ACTR3B: variants seen among roughly 807,000 people sequenced by gnomAD.
ACTR3B encodes actin-related protein 3B.
In ACTR3B, 8 loss-of-function variants were observed where a neutral mutation model predicts 59.0. The ratio of observed to expected loss-of-function variants is 0.14; its 90% confidence interval spans 0.08 to 0.24. The LOEUF (loss-of-function observed/expected upper bound fraction) is 0.24, where lower values mean the gene tolerates loss of function less well. Ranked by LOEUF, ACTR3B falls within the 10% of genes least tolerant of loss-of-function variation. The pLI is 1.00. For synonymous variants in ACTR3B, 148 were observed against 197.9 expected (o/e 0.75, Z 2.12); for missense variants, 245 against 552.3 (o/e 0.44, Z 5.58).
chr7:152,810,321 G>T (rs1025219531), intron 4 of ACTR3B, among the ~76,000 whole-genome samples: 19 of 151,690 alleles, frequency 1.3e-4, no homozygotes, highest in Non-Finnish European at 2.2e-4. Flanking sequence ...TGGCCAGGCT[G>T]GTCTTGAACT....
At chr7:152,851,965 A>T (rs983579331) in intron 9 of ACTR3B, among the ~76,000 whole-genome samples, 161 bp from the exon 10 acceptor site, 1 of 151,978 alleles carries the variant, frequency 6.6e-6, no homozygotes, top group African/African-American at 2.4e-5. Flanking sequence ...AAAAATCTAC[A>T]CTTTTCCAAT....
chr7:152,854,726 C>G lies in ACTR3B; in HGVS notation c.*173C>G, dbSNP rs1400286651. 24 of 604,232 alleles carry G rather than the reference C, an allele frequency of 4.0e-5. No individual in the cohort carries two copies. The highest frequency in any genetic ancestry group is 5.8e-5 in the Non-Finnish European group (20 of 346,640). 37.4% of individuals were successfully genotyped at this position (604,232 alleles called of 1,614,324 possible). The stretch of plus-strand genomic sequence containing the variant: ...GGCCCTTCAGTAAAAGCCATTTATC[C>G]GTGTGCCGACCGCTGTCTGCCAGCC... On this transcript the variant is annotated 3_prime_UTR_variant, in exon 12 of 12. Coordinates refer to ENST00000256001, the MANE Select transcript of ACTR3B (RefSeq NM_020445.6). The surrounding 1 kb of genome is among the most constrained non-coding windows in gnomAD (Gnocchi z 4.9).
intron 4 of ACTR3B, chr7:152,811,416 A>G (rs1795226450): frequency 6.6e-6 from 1 of 151,774 alleles, no homozygotes; most frequent in South Asian, 2.1e-4. Context: ...AGTAAAGTGG[A>G]AGGCTGGGAT....
chr7:152,837,712 A>G (rs1326597440), intron 9 of ACTR3B, among the ~76,000 whole-genome samples: 47 of 152,210 alleles, frequency 3.1e-4, no homozygotes, highest in Non-Finnish European at 1.0e-4. Flanking sequence ...CTCAGAGAAA[A>G]TTGGATTGTG....
chr7:152,820,475 G>C, intron 7 of ACTR3B, 33 bp downstream of exon 7: 7 of 1,564,710 alleles, frequency 4.5e-6, no homozygotes, highest in Non-Finnish European at 5.2e-6. Flanking sequence ...CCGGTTTGGG[G>C]GTGAGAGAGA....
intron 10 of ACTR3B, among the ~76,000 whole-genome samples, chr7:152,853,043 G>A (rs936329386): frequency 2.6e-5 from 4 of 151,908 alleles, no homozygotes; most frequent in Non-Finnish European, 5.9e-5. Context: ...CATGCGCCTC[G>A]GCCTCCCAAA....
chr7:152,793,020 GA>G (rs1037861314), intron 2 of ACTR3B, among the ~76,000 whole-genome samples: 1 of 139,656 alleles, frequency 7.2e-6, no homozygotes, highest in African/African-American at 2.7e-5. Context: ...CTTAGAAGCT[GA>G]ATTTTTTTTT....
At position 152,854,835 on chromosome 7, in the gene ACTR3B, A is replaced by G; in HGVS notation, c.*282A>G. 1 of 337,800 alleles carries G rather than the reference A, an allele frequency of 3.0e-6. No individual in the cohort carries two copies. Among genetic ancestry groups the G allele is most frequent in the Non-Finnish European group, 5.4e-6 (1 of 185,222 alleles). The allele number at this position is 337,800 out of a possible 1,614,324, so 20.9% of individuals were successfully genotyped here. A position where few individuals can be genotyped will look rare whatever the true frequency, so the allele number is the denominator to read the frequency against. ...TAGCTGACAAATACAATTCTGAAGG[A>G]ATCCAAATGTGACTTTGAAAATTGT... On this transcript the variant is annotated 3_prime_UTR_variant, in exon 12 of 12. Transcript: ENST00000256001. The surrounding 1 kb of genome is among the most constrained non-coding windows in gnomAD (Gnocchi z 4.9).
At chr7:152,819,121 T>G (rs1029400546) in intron 6 of ACTR3B, among the ~76,000 whole-genome samples, 5 of 152,192 alleles carry the variant, frequency 3.3e-5, no homozygotes, top group African/African-American at 9.7e-5. Flanking sequence ...TTAAGTTGAG[T>G]TTTAGTAATT....
intron 9 of ACTR3B, among the ~76,000 whole-genome samples, chr7:152,827,642 C>T (rs926956126): frequency 2.7e-5 from 4 of 150,940 alleles, no homozygotes; most frequent in African/African-American, 7.3e-5. Flanking sequence ...CTCAGGTCCC[C>T]GCTGCCGGGG....
chr7:152,832,665 A>G (rs1344442870), intron 9 of ACTR3B, among the ~76,000 whole-genome samples: 1 of 152,208 alleles, frequency 6.6e-6, no homozygotes, highest in African/African-American at 2.4e-5. Context: ...CCTGGCCACT[A>G]TCTCTATCTC....
intron 1 of ACTR3B, among the ~76,000 whole-genome samples, chr7:152,770,926 C>T (rs1461977208): frequency 1.3e-5 from 2 of 148,530 alleles, no homozygotes; most frequent in Admixed American, 1.3e-4. Flanking sequence ...AAAAAGTATA[C>T]TTTGGAAAGA....
intron 1 of ACTR3B, among the ~76,000 whole-genome samples, chr7:152,769,224 A>G (rs1017697351): frequency 6.6e-6 from 1 of 152,166 alleles, no homozygotes; most frequent in African/African-American, 2.4e-5. Context: ...TCCTATTGTT[A>G]GTAACCTATT....
intron 9 of ACTR3B, among the ~76,000 whole-genome samples, chr7:152,842,277 T>C (rs1423535538): frequency 6.6e-6 from 1 of 152,106 alleles, no homozygotes; most frequent in African/African-American, 2.4e-5. Flanking sequence ...CTAATAATAA[T>C]ATGGATCAGT....
intron 4 of ACTR3B, among the ~76,000 whole-genome samples, chr7:152,805,573 G>A (rs2098249866): frequency 6.6e-6 from 1 of 152,130 alleles, no homozygotes; most frequent in Non-Finnish European, 1.5e-5. Context: ...TTTTCCTCAT[G>A]AACCTGGTGA....
At chr7:152,828,786 G>T (rs1369354195) in intron 9 of ACTR3B, among the ~76,000 whole-genome samples, 5 of 152,012 alleles carry the variant, frequency 3.3e-5, no homozygotes, top group Admixed American at 1.3e-4. Context: ...GGCTACCTGT[G>T]TGCTTTCACT....
At chr7:152,847,365 G>C (rs528822387) in intron 9 of ACTR3B, among the ~76,000 whole-genome samples, 275 of 152,344 alleles carry the variant, frequency 1.8e-3, no homozygotes, top group Non-Finnish European at 2.7e-3. Flanking sequence ...GGATGTTTAG[G>C]CTGTTGAAGT....
intron 1 of ACTR3B, among the ~76,000 whole-genome samples, chr7:152,771,325 C>T (rs1267259044): frequency 6.6e-6 from 1 of 152,060 alleles, no homozygotes; most frequent in Non-Finnish European, 1.5e-5. Flanking sequence ...AACAAAAGAA[C>T]AAAGAAGTAA....
chr7:152,795,522 C>T (rs1007872528), intron 2 of ACTR3B, among the ~76,000 whole-genome samples: 1 of 152,218 alleles, frequency 6.6e-6, no homozygotes, highest in Non-Finnish European at 1.5e-5. Context: ...TATAGCCTGA[C>T]TTACCTTGAA....
Sources: gnomAD v4.1 joint callset for allele counts (sites outside exome capture counted in the v4.1 genomes callset) on GRCh38, gnomAD v4.1.1 for gene constraint, Gnocchi (gnomAD v3.1) non-coding constraint, MANE v1.5 for transcripts, NCBI Gene and HGNC (gene_info 2026-07-23, HGNC 2026-07-21) for gene names.